The following TRAPPC9 variants were observed in gnomAD, a reference collection of about 807,000 sequenced individuals.
TRAPPC9 encodes the protein IKK2 binding protein.
A neutral mutation model predicts 124.0 loss-of-function variants in TRAPPC9; 83 were observed. That is an observed-to-expected ratio of 0.67 (90% confidence interval 0.56 to 0.80). The LOEUF (loss-of-function observed/expected upper bound fraction) is 0.80, where lower values mean the gene tolerates loss of function less well. TRAPPC9 is among the 30% of genes least tolerant of loss of function. The pLI is 0.00. For synonymous variants in TRAPPC9, 638 were observed against 617.5 expected (o/e 1.03, Z -0.49); for missense variants, 1,302 against 1,508.3 (o/e 0.86, Z 2.27).
intron 17 of TRAPPC9, among the ~76,000 whole-genome samples, chr8:140,166,753 A>T (rs941932064): frequency 6.6e-6 from 1 of 152,188 alleles, no homozygotes; most frequent in African/African-American, 2.4e-5. Flanking sequence ...CTGCACCTAG[A>T]GCTTAGCCAA....
At chr8:139,857,299 C>T (rs1229236605) in intron 21 of TRAPPC9, among the ~76,000 whole-genome samples, 1 of 152,184 alleles carries the variant, frequency 6.6e-6, no homozygotes, top group Admixed American at 6.5e-5. Flanking sequence ...ATAAAGAGTG[C>T]TAATGAACAT....
chr8:140,130,172 A>G (rs909543752), intron 17 of TRAPPC9, among the ~76,000 whole-genome samples: 1 of 152,206 alleles, frequency 6.6e-6, no homozygotes, highest in Non-Finnish European at 1.5e-5. Context: ...GTGGATCATC[A>G]CCATTAAACA....
intron 20 of TRAPPC9, among the ~76,000 whole-genome samples, chr8:139,894,539 C>A (rs1365736259): frequency 6.6e-6 from 1 of 152,166 alleles, no homozygotes; most frequent in Non-Finnish European, 1.5e-5. Context: ...ACCCCGGGAA[C>A]TGGAGTGCCT....
intron 21 of TRAPPC9, among the ~76,000 whole-genome samples, chr8:139,860,084 C>T (rs1339424207): frequency 6.6e-6 from 1 of 152,214 alleles, no homozygotes; most frequent in Non-Finnish European, 1.5e-5. Context: ...ATCTCTGCAG[C>T]TCCAGTATCA....
At chr8:140,285,443 G>A (rs1447584027) in intron 13 of TRAPPC9, among the ~76,000 whole-genome samples, 1 of 152,130 alleles carries the variant, frequency 6.6e-6, no homozygotes, top group Non-Finnish European at 1.5e-5. Flanking sequence ...CCTGGATCCT[G>A]AGGGATGGCT....
At chr8:140,275,316 G>T (rs1264326718) in intron 15 of TRAPPC9, among the ~76,000 whole-genome samples, 1 of 152,224 alleles carries the variant, frequency 6.6e-6, no homozygotes, top group East Asian at 1.9e-4. Context: ...GCCTGCTAAT[G>T]CTTCTCTCCC....
chr8:140,054,778 C>T (rs570329824), intron 17 of TRAPPC9, among the ~76,000 whole-genome samples: 1 of 151,850 alleles, frequency 6.6e-6, no homozygotes, highest in East Asian at 1.9e-4. Flanking sequence ...TACACAACAA[C>T]AAATTGAATA....
At chr8:140,179,847 G>A (rs547251864) in intron 17 of TRAPPC9, among the ~76,000 whole-genome samples, 1 of 151,920 alleles carries the variant, frequency 6.6e-6, no homozygotes, top group East Asian at 1.9e-4. Context: ...TAATACTACT[G>A]GTCAACTTTG....
At chr8:139,851,672 G>C (rs1434922250) in intron 21 of TRAPPC9, among the ~76,000 whole-genome samples, 1 of 152,216 alleles carries the variant, frequency 6.6e-6, no homozygotes, top group Non-Finnish European at 1.5e-5. Flanking sequence ...AAAGGGAAAT[G>C]AGTCGGGAAG....
rs780333902 is a variant in TRAPPC9, at chr8:140,221,565, C to A, written c.2450G>T (p.Gly817Val). Residue 817 changes from glycine to valine, a missense_variant, in exon 17 of 23, where the codon GGC (glycine) becomes GTC (valine). By Grantham distance (109) the Gly-to-Val change is moderately radical. This residue lies in a region of TRAPPC9 where 640 missense variants were observed against 679.3 expected (regional missense o/e 0.94). Transcript: ENST00000438773. Reference sequence around the variant, plus strand: ...CCGAAAAGGACTGGACAGGGGAAAGCCACTCACACTGATTCCATCTACAAA... The same window carrying A: ...CCGAAAAGGACTGGACAGGGGAAAGACACTCACACTGATTCCATCTACAAA... ...DLSDDGISVSGFPLSSPFRQV... is the reference protein window; with the variant it reads ...DLSDDGISVSVFPLSSPFRQV... The A allele has an allele frequency of 1.2e-6, 2 of 1,614,042 alleles. No homozygotes were observed. Among genetic ancestry groups the A allele is most frequent in the East Asian group, 4.5e-5 (2 of 44,878 alleles).
At chr8:140,448,749 T>G (rs1012226424) in intron 2 of TRAPPC9, among the ~76,000 whole-genome samples, 8 of 152,220 alleles carry the variant, frequency 5.3e-5, no homozygotes, top group African/African-American at 1.9e-4. Flanking sequence ...CAGTGCCTGC[T>G]GGCTGGACAG....
At chr8:139,880,399 T>C (rs1829604613) in intron 21 of TRAPPC9, among the ~76,000 whole-genome samples, 2 of 152,164 alleles carry the variant, frequency 1.3e-5, no homozygotes, top group Non-Finnish European at 2.9e-5. Flanking sequence ...GGGAGGGGGC[T>C]GGAGTCACCT....
intron 21 of TRAPPC9, among the ~76,000 whole-genome samples, chr8:139,858,796 T>C (rs897891329): frequency 2.0e-5 from 3 of 151,190 alleles, no homozygotes; most frequent in Non-Finnish European, 4.4e-5. Flanking sequence ...AGCCGACAAG[T>C]AGCCACTGCG....
At chr8:139,765,972 G>A (rs1456162826) in intron 21 of TRAPPC9, among the ~76,000 whole-genome samples, 3 of 152,234 alleles carry the variant, frequency 2.0e-5, no homozygotes, top group Admixed American at 1.3e-4. Flanking sequence ...AAGGGCGCAG[G>A]TGTGGCCCTG....
intron 13 of TRAPPC9, among the ~76,000 whole-genome samples, 161 bp from the exon 14 acceptor site, chr8:140,284,182 C>T (rs2065417169): frequency 2.6e-5 from 4 of 152,208 alleles, no homozygotes; most frequent in South Asian, 4.1e-4. Context: ...CCCTCAACCC[C>T]ACGACCCTCA....
At chr8:140,143,152 G>A (rs1017806787) in intron 17 of TRAPPC9, among the ~76,000 whole-genome samples, 38 of 152,296 alleles carry the variant, frequency 2.5e-4, no homozygotes, top group African/African-American at 7.7e-4. Context: ...GTTAGCATGC[G>A]TTTCCCTGAT....
chr8:139,767,579 T>C (rs1470625548), intron 21 of TRAPPC9, among the ~76,000 whole-genome samples: 1 of 152,010 alleles, frequency 6.6e-6, no homozygotes, highest in Non-Finnish European at 1.5e-5. Context: ...AGATTCCAGA[T>C]GGAGGGAACA....
At chr8:140,068,841 A>G (rs1843000656) in intron 17 of TRAPPC9, among the ~76,000 whole-genome samples, 1 of 152,266 alleles carries the variant, frequency 6.6e-6, no homozygotes, top group South Asian at 2.1e-4. Flanking sequence ...TGAATTATGC[A>G]TGAACCTTTC....
chr8:140,353,557 G>A lies in TRAPPC9; in HGVS notation c.1495+6493C>T, dbSNP rs576027554. Among the ~76,000 whole-genome samples, 21 of 152,238 alleles carry A rather than the reference G, an allele frequency of 1.4e-4. No homozygotes were observed. In the South Asian group the frequency reaches 3.9e-3, roughly 29 times the overall value. ...TTTTAAGCTACGTGATGTGAAAGCC[G>A]CGAGTCTTTTTTATTTTCCACAGGA... is the stretch of plus-strand genomic sequence containing the variant. On this transcript the variant is annotated intron_variant, in intron 9 of 22. Transcript: ENST00000438773. The surrounding 1 kb of genome is among the most constrained non-coding windows in gnomAD (Gnocchi z 4.2).
Sources: gnomAD v4.1 joint callset for allele counts (sites outside exome capture counted in the v4.1 genomes callset) on GRCh38, gnomAD v4.1.1 for gene constraint, gnomAD v4.1.1 regional missense constraint, Gnocchi (gnomAD v3.1) non-coding constraint, MANE v1.5 for transcripts, NCBI Gene and HGNC (gene_info 2026-07-23, HGNC 2026-07-21) for gene names.